SPOCK1: variants seen among roughly 807,000 people sequenced by gnomAD.
SPOCK1 encodes the protein testican-1.
In SPOCK1, 23 loss-of-function variants were observed where a neutral mutation model predicts 55.3. That is an observed-to-expected ratio of 0.42 (90% confidence interval 0.30 to 0.59). The LOEUF (loss-of-function observed/expected upper bound fraction) is 0.59. Ranked by LOEUF, SPOCK1 falls within the 20% of genes least tolerant of loss-of-function variation. The pLI, the probability that SPOCK1 is intolerant of heterozygous loss-of-function variation, is 0.22. For missense variants in SPOCK1, 499 were observed against 552.5 expected (o/e 0.90, Z 0.97); for synonymous variants, 226 against 221.0 (o/e 1.02, Z -0.20).
At chr5:137,101,724 G>T (rs1310161730) in intron 5 of SPOCK1, among the ~76,000 whole-genome samples, 1 of 152,130 alleles carries the variant, frequency 6.6e-6, no homozygotes, top group East Asian at 1.9e-4. Context: ...TAACCATTTT[G>T]CCTGAAAGTT....
chr5:137,385,397 A>G (rs1405090244), intron 2 of SPOCK1, among the ~76,000 whole-genome samples: 1 of 152,182 alleles, frequency 6.6e-6, no homozygotes, highest in Non-Finnish European at 1.5e-5. Context: ...AAGCCTCACC[A>G]TTACCATCTG....
At position 136,989,724 on chromosome 5, in the gene SPOCK1, G is replaced by A. The variant is rs752829501; in HGVS notation, c.707-1081C>T. Among the ~76,000 whole-genome samples, 66 of 152,170 alleles carry A rather than the reference G, an allele frequency of 4.3e-4. 1 individual carries two copies. The highest frequency in any genetic ancestry group is 6.5e-4 in the Admixed American group (10 of 15,282). On this transcript the variant is annotated intron_variant, in intron 7 of 10. Coordinates refer to ENST00000394945, the MANE Select transcript of SPOCK1 (RefSeq NM_004598.4). Reference sequence around the variant, plus strand: ...TGACACCTCTGCTAGCCTTCTGCCTGACTTGATCTTCCTGTCCTGAGGCCA... The same window carrying A: ...TGACACCTCTGCTAGCCTTCTGCCTAACTTGATCTTCCTGTCCTGAGGCCA...
chr5:137,220,071 G>T (rs573046873), intron 3 of SPOCK1, among the ~76,000 whole-genome samples: 1 of 152,110 alleles, frequency 6.6e-6, no homozygotes, highest in Non-Finnish European at 1.5e-5. Flanking sequence ...CCATCTAGTG[G>T]GGGTCAGTTG....
intron 6 of SPOCK1, among the ~76,000 whole-genome samples, chr5:137,000,783 C>A (rs1012583762): frequency 3.9e-5 from 6 of 152,148 alleles, no homozygotes; most frequent in Non-Finnish European, 4.4e-5. Flanking sequence ...GTGGCTCATG[C>A]CTGTAATCCC....
chr5:137,439,190 C>T (rs1432210184), intron 2 of SPOCK1, among the ~76,000 whole-genome samples: 2 of 152,216 alleles, frequency 1.3e-5, no homozygotes, highest in African/African-American at 4.8e-5. Flanking sequence ...GTGGGTGTGG[C>T]TGTGACACAG....
chr5:137,430,897 T>C, intron 2 of SPOCK1, among the ~76,000 whole-genome samples: 1 of 152,164 alleles, frequency 6.6e-6, no homozygotes, highest in East Asian at 1.9e-4. Flanking sequence ...CACTGAGGGG[T>C]CATCACATGA....
chr5:137,154,096 T>C (rs1754368929), intron 3 of SPOCK1, among the ~76,000 whole-genome samples: 1 of 151,900 alleles, frequency 6.6e-6, no homozygotes, highest in Non-Finnish European at 1.5e-5. Flanking sequence ...AAGACCACCC[T>C]GACCAATATG....
At chr5:137,064,971 T>C (rs1752469382) in intron 6 of SPOCK1, among the ~76,000 whole-genome samples, 2 of 152,178 alleles carry the variant, frequency 1.3e-5, no homozygotes, top group African/African-American at 4.8e-5. Context: ...CTCACATCTG[T>C]AATCCCAGCA....
intron 2 of SPOCK1, among the ~76,000 whole-genome samples, chr5:137,291,741 G>A (rs147404787): frequency 5.6e-4 from 86 of 152,296 alleles, no homozygotes; most frequent in African/African-American, 2.0e-3. Context: ...TGTTTTATCT[G>A]TCCCACAGGC....
chr5:137,233,114 T>G (rs1756098505), intron 3 of SPOCK1, among the ~76,000 whole-genome samples: 1 of 152,198 alleles, frequency 6.6e-6, no homozygotes, highest in Admixed American at 6.5e-5. Context: ...ACCAGGGACT[T>G]GTTTCATAGA....
At chr5:137,318,494 T>C (rs375779351) in intron 2 of SPOCK1, among the ~76,000 whole-genome samples, 12 of 152,214 alleles carry the variant, frequency 7.9e-5, no homozygotes, top group Admixed American at 2.0e-4. Context: ...CCCAGTCTCC[T>C]GGGAATCCCT....
intron 2 of SPOCK1, among the ~76,000 whole-genome samples, chr5:137,278,331 G>C (rs1038517459): frequency 6.6e-6 from 1 of 152,174 alleles, no homozygotes; most frequent in Non-Finnish European, 1.5e-5. Context: ...GTGCTGTCTT[G>C]ATCTGATAAT....
chr5:137,369,612 G>A (rs534157177), intron 2 of SPOCK1, among the ~76,000 whole-genome samples: 27 of 152,168 alleles, frequency 1.8e-4, no homozygotes, highest in Middle Eastern at 3.2e-3. Context: ...CTTAGCTCGG[G>A]TTTCCGTAAC....
At chr5:137,389,726 A>G (rs895249512) in intron 2 of SPOCK1, among the ~76,000 whole-genome samples, 10 of 152,348 alleles carry the variant, frequency 6.6e-5, no homozygotes, top group Admixed American at 2.0e-4. Context: ...CAAGTCCCTC[A>G]TGGTTGGAGT....
rs538088084 is a variant in SPOCK1, at chr5:136,979,856, TTAAG to T, written c.992-391_992-388del. Among the ~76,000 whole-genome samples, 409 of 152,262 alleles carry T rather than the reference TTAAG, an allele frequency of 2.7e-3. 2 individuals carry two copies. The highest frequency in any genetic ancestry group is 9.5e-3 in the African/African-American group (396 of 41,534). ...AATATGAAACTGATGTCTAGGAAAATTAAGTAATCTTCCCAAGGCATCTGCTAGT... is the reference window on the plus strand; with the variant it reads ...AATATGAAACTGATGTCTAGGAAAATTAATCTTCCCAAGGCATCTGCTAGT... On this transcript the variant is annotated intron_variant, in intron 9 of 10. Transcript: ENST00000394945.
At chr5:137,052,514 A>T (rs1454686498) in intron 6 of SPOCK1, among the ~76,000 whole-genome samples, 1 of 152,248 alleles carries the variant, frequency 6.6e-6, no homozygotes, top group Non-Finnish European at 1.5e-5. Context: ...CATTTTACCC[A>T]GAAATTCTAC....
intron 3 of SPOCK1, among the ~76,000 whole-genome samples, chr5:137,203,377 C>G (rs1755461241): frequency 6.6e-6 from 1 of 151,942 alleles, no homozygotes; most frequent in African/African-American, 2.4e-5. Flanking sequence ...CATCACCACC[C>G]AGGTGTGATG....
At position 136,977,887 on chromosome 5, in the gene SPOCK1, G is replaced by A. The variant is rs1263598734; in HGVS notation, c.*767C>T. ...TTCCAGAAATTTTGTTCCAGGTCTG[G>A]ACAAGCTGAGAAATTTATCATTGTT... On this transcript the variant is annotated 3_prime_UTR_variant, in exon 11 of 11. Coordinates refer to ENST00000394945, the MANE Select transcript of SPOCK1 (RefSeq NM_004598.4). The A allele has an allele frequency of 1.0e-5, 4 of 398,722 alleles. No individual in the cohort carries two copies. Among genetic ancestry groups the A allele is most frequent in the African/African-American group, 4.1e-5 (2 of 48,622 alleles). 24.7% of individuals were successfully genotyped at this position (398,722 alleles called of 1,614,324 possible). A position where few individuals can be genotyped will look rare whatever the true frequency, so the allele number is the denominator to read the frequency against.
At chr5:137,182,240 A>G (rs548589373) in intron 3 of SPOCK1, among the ~76,000 whole-genome samples, 1 of 152,218 alleles carries the variant, frequency 6.6e-6, no homozygotes, top group African/African-American at 2.4e-5. Context: ...CTAAAACTTA[A>G]TGTCCAGATA....
Sources: gnomAD v4.1 joint callset for allele counts (sites outside exome capture counted in the v4.1 genomes callset) on GRCh38, gnomAD v4.1.1 for gene constraint, MANE v1.5 for transcripts, NCBI Gene and HGNC (gene_info 2026-07-23, HGNC 2026-07-21) for gene names.